The following XKR9 variants were observed in gnomAD, a reference collection of about 807,000 sequenced individuals.
XKR9 encodes the protein XK-related protein 9.
Under a neutral mutation model 32.0 loss-of-function variants are expected in XKR9, and 32 were observed. The ratio of observed to expected loss-of-function variants is 1.00; its 90% CI spans 0.76 to 1.34. The LOEUF (loss-of-function observed/expected upper bound fraction) is 1.34. Ranked by LOEUF, XKR9 falls within the 40% of genes most tolerant of loss-of-function variation. The pLI, the probability that XKR9 is intolerant of heterozygous loss-of-function variation, is 0.00. For synonymous variants in XKR9, 168 were observed against 143.4 expected (o/e 1.17, Z -1.22); for missense variants, 546 against 429.7 (o/e 1.27, Z -2.39).
At chr8:71,035,448 A>G in the XKR9 span, among the ~76,000 whole-genome samples, 34 of 152,362 alleles carry the variant, frequency 2.2e-4, no homozygotes, top group Admixed American at 2.0e-3. Context: ...AGATGTTAAC[A>G]GGCACGATAA....
the XKR9 span, among the ~76,000 whole-genome samples, chr8:70,928,341 C>T: frequency 6.6e-6 from 1 of 152,166 alleles, no homozygotes; most frequent in Non-Finnish European, 1.5e-5. Context: ...CACCCACCTG[C>T]CTTGATTTCC....
intron 3 of XKR9, among the ~76,000 whole-genome samples, chr8:70,691,532 T>C (rs1413978850): frequency 6.6e-6 from 1 of 152,220 alleles, no homozygotes; most frequent in Non-Finnish European, 1.5e-5. Context: ...TTTCAGAGTA[T>C]TTTACAGCTT....
the XKR9 span, among the ~76,000 whole-genome samples, chr8:71,055,712 G>A: frequency 6.6e-6 from 1 of 151,966 alleles, no homozygotes; most frequent in Non-Finnish European, 1.5e-5. Flanking sequence ...AAATTGAAAA[G>A]TCAAAAAAAA....
chr8:71,010,955 T>C, the XKR9 span, among the ~76,000 whole-genome samples: 4 of 152,116 alleles, frequency 2.6e-5, no homozygotes, highest in Admixed American at 2.6e-4. Flanking sequence ...CTCTGAAAAA[T>C]AGATAGATGG....
chr8:70,990,759 G>GAGAGAGAGAA, the XKR9 span, among the ~76,000 whole-genome samples: 5 of 140,808 alleles, frequency 3.6e-5, no homozygotes, highest in African/African-American at 9.9e-5. Context: ...GAGAGAGAGA[G>GAGAGAGAGAA]AGAGAGAGAA....
chr8:70,728,034 T>C (rs7007450), intron 4 of XKR9, among the ~76,000 whole-genome samples: 61,287 of 151,970 alleles, frequency 0.4, 13,898 homozygotes, highest in Non-Finnish European at 0.52. Flanking sequence ...GGCAGTCTAA[T>C]CTCCAGGCAA....
the XKR9 span, among the ~76,000 whole-genome samples, chr8:70,855,193 A>T: frequency 9.2e-5 from 14 of 152,218 alleles, no homozygotes; most frequent in South Asian, 2.7e-3. Context: ...GTAAAGGAGG[A>T]AGTTTGAACC....
the XKR9 span, among the ~76,000 whole-genome samples, chr8:70,853,617 ATGTGC>A: frequency 6.6e-6 from 1 of 150,760 alleles, no homozygotes. Flanking sequence ...ATATGTATAC[ATGTGC>A]CATGTAACTC....
chr8:71,048,230 A>G, the XKR9 span, among the ~76,000 whole-genome samples: 1 of 152,172 alleles, frequency 6.6e-6, no homozygotes, highest in Non-Finnish European at 1.5e-5. Context: ...TACCTAACTT[A>G]AGTAATAAAA....
the XKR9 span, among the ~76,000 whole-genome samples, chr8:70,809,067 C>T: frequency 6.6e-6 from 1 of 152,192 alleles, no homozygotes; most frequent in Non-Finnish European, 1.5e-5. Flanking sequence ...ACTGACACCT[C>T]ACATGGCTGG....
the XKR9 span, among the ~76,000 whole-genome samples, chr8:70,874,936 C>A: frequency 3.3e-5 from 5 of 152,048 alleles, no homozygotes; most frequent in East Asian, 9.6e-4. Context: ...TTTATTGATT[C>A]TGGTTGTTCT....
the XKR9 span, among the ~76,000 whole-genome samples, chr8:71,006,367 G>A: frequency 3.0e-4 from 46 of 151,956 alleles, no homozygotes; most frequent in Non-Finnish European, 5.6e-4. Flanking sequence ...TATCATTGGC[G>A]TTAGTATATT....
chr8:70,735,928 G>A lies in XKR9; in HGVS notation c.*1504G>A, dbSNP rs1308825777. On this transcript the variant is annotated 3_prime_UTR_variant, in exon 5 of 5. Transcript: ENST00000408926. ...GAATAGTGCTGCAATAAACATACGTGTGCATGTGTCTTTATAGCAGCATGA... is the reference window on the plus strand; with the variant it reads ...GAATAGTGCTGCAATAAACATACGTATGCATGTGTCTTTATAGCAGCATGA... The A allele has an allele frequency of 1.3e-5, 2 of 151,846 alleles. No individual in the cohort carries two copies. The highest frequency in any genetic ancestry group is 2.1e-4 in the South Asian group (1 of 4,808). The allele number at this position is 151,846 out of a possible 1,614,324, so 9.4% of individuals were successfully genotyped here.
the XKR9 span, among the ~76,000 whole-genome samples, chr8:70,799,960 C>A: frequency 6.6e-6 from 1 of 152,140 alleles, no homozygotes; most frequent in African/African-American, 2.4e-5. Context: ...GAGAATGTTT[C>A]CAGCTTTTCC....
intron 2 of XKR9, among the ~76,000 whole-genome samples, chr8:70,785,718 GCT>G (rs60417775): frequency 0.11 from 14,502 of 137,148 alleles, 758 homozygotes; most frequent in African/African-American, 0.12. Context: ...ACTTTTTTTT[GCT>G]CTCTCTCTCT....
At chr8:70,872,043 C>G in the XKR9 span, among the ~76,000 whole-genome samples, 6 of 152,066 alleles carry the variant, frequency 3.9e-5, no homozygotes, top group African/African-American at 1.4e-4. Flanking sequence ...GGAACTAGAA[C>G]TAGAACATGG....
the XKR9 span, among the ~76,000 whole-genome samples, chr8:70,849,785 A>G: frequency 4.8e-3 from 738 of 152,300 alleles, 5 homozygotes; most frequent in Non-Finnish European, 8.3e-3. Context: ...GATAATGGGG[A>G]TATCACCACT....
At chr8:70,702,327 T>C (rs1586833553) in intron 3 of XKR9, among the ~76,000 whole-genome samples, 1 of 152,274 alleles carries the variant, frequency 6.6e-6, no homozygotes, top group Non-Finnish European at 1.5e-5. Flanking sequence ...TTATTAAGAC[T>C]TGTTTTTATA....
chr8:70,915,523 A>G, the XKR9 span, among the ~76,000 whole-genome samples: 1 of 152,044 alleles, frequency 6.6e-6, no homozygotes, highest in Non-Finnish European at 1.5e-5. Context: ...TGATTTTTCT[A>G]TGTCTGATTT....
Sources: allele counts gnomAD v4.1 joint callset (sites outside exome capture counted in the v4.1 genomes callset), GRCh38; gene constraint gnomAD v4.1.1; transcripts MANE v1.5; gene names NCBI Gene and HGNC (gene_info 2026-07-23, HGNC 2026-07-21).